The following FIGLA variants were observed in gnomAD, a reference collection of about 807,000 sequenced individuals.
FIGLA encodes factor in the germline alpha.
Under a neutral mutation model 21.5 loss-of-function variants are expected in FIGLA, and 17 were observed. The ratio of observed to expected loss-of-function variants is 0.79; its 90% CI spans 0.54 to 1.19. The LOEUF (loss-of-function observed/expected upper bound fraction) is 1.19. Among genes scored for constraint, FIGLA ranks in the 50% most tolerant of loss-of-function variants. FIGLA has a pLI of 0.00. For synonymous variants in FIGLA, 129 were observed against 117.6 expected (o/e 1.10, Z -0.63); for missense variants, 282 against 285.0 (o/e 0.99, Z 0.08).
chr2:70,783,845 G>A (rs1252279696), intron 3 of FIGLA, among the ~76,000 whole-genome samples: 1 of 151,990 alleles, frequency 6.6e-6, no homozygotes, highest in Non-Finnish European at 1.5e-5. Context: ...GGGACTACAG[G>A]TGCCCGCCAC....
At chr2:70,789,562 G>T (rs1254554372) in intron 1 of FIGLA, among the ~76,000 whole-genome samples, 4 of 152,030 alleles carry the variant, frequency 2.6e-5, no homozygotes, top group African/African-American at 9.7e-5. Context: ...TGATTCACTG[G>T]GACATTTCTG....
chr2:70,788,417 G>A (rs1012458658), intron 1 of FIGLA, among the ~76,000 whole-genome samples: 1 of 152,194 alleles, frequency 6.6e-6, no homozygotes, highest in Non-Finnish European at 1.5e-5. Context: ...AGGCAAGGGT[G>A]AGAATCCAGA....
intron 3 of FIGLA, among the ~76,000 whole-genome samples, chr2:70,784,945 CAAAA>C (rs35547757): frequency 2.2e-5 from 3 of 139,404 alleles, no homozygotes; most frequent in Admixed American, 7.2e-5. Context: ...CCCCCCACCA[CAAAA>C]AAAAAAAAAA....
Position 70,777,346 on chromosome 2 carries a change from A to C in FIGLA, c.*21T>G. On this transcript the variant is annotated 3_prime_UTR_variant, in exon 5 of 5. Coordinates refer to ENST00000332372, the MANE Select transcript of FIGLA (RefSeq NM_001004311.3). Reference sequence around the variant, plus strand: ...CTGCATTTATTTGTCTCTAGAAGGTAACCCTGGGCCTTTTCATTTTTCATA... The same window carrying C: ...CTGCATTTATTTGTCTCTAGAAGGTCACCCTGGGCCTTTTCATTTTTCATA... 6.8e-7 allele frequency: 1 copy of C among 1,471,080 alleles called. No individual in the cohort carries two copies. The highest frequency in any genetic ancestry group is 9.1e-7 in the Non-Finnish European group (1 of 1,099,660). The allele number at this position is 1,471,080 out of a possible 1,614,324, so 91.1% of individuals were successfully genotyped here. A position where few individuals can be genotyped will look rare whatever the true frequency, so the allele number is the denominator to read the frequency against.
In FIGLA at chr2:70,790,477, G is replaced by T; in HGVS notation, c.162C>A (p.Tyr54Ter). ...CRLKRLPSGGYSSTENLQLVL... is the reference protein window; with the variant it reads ...CRLKRLPSGG ...CCAACTGGAGGTTTTCAGTGGACGA[G>T]TAGCCGCCCGAGGGCAGCCGCTTGA... The change falls in exon 1 of 5, where the codon TAC becomes TAA. Residue 54 changes from tyrosine (Y) to a stop codon, truncating the protein, a stop_gained. Coordinates refer to ENST00000332372, the MANE Select transcript of FIGLA (RefSeq NM_001004311.3). LOFTEE classifies it high-confidence loss of function. 1 of 1,544,804 alleles carries T rather than the reference G, an allele frequency of 6.5e-7. No homozygotes were observed. The highest frequency in any genetic ancestry group is 8.7e-7 in the Non-Finnish European group (1 of 1,146,238).
intron 4 of FIGLA, 62 bp from the exon 5 acceptor site, chr2:70,777,444 T>G (rs551885228): frequency 7.3e-7 from 1 of 1,371,390 alleles, no homozygotes; most frequent in Non-Finnish European, 9.8e-7. Context: ...ACAAAAGAAA[T>G]AAAGAAATAT....
chr2:70,790,259 TC>T, intron 1 of FIGLA, 148 bp downstream of exon 1: 1 of 703,186 alleles, frequency 1.4e-6, no homozygotes, highest in African/African-American at 1.9e-5. Flanking sequence ...ACTGCCATTC[TC>T]CTGACAAGCT....
chr2:70,784,262 CA>C (rs1167785783), intron 3 of FIGLA, among the ~76,000 whole-genome samples: 8 of 152,132 alleles, frequency 5.3e-5, no homozygotes, highest in Non-Finnish European at 1.0e-4. Flanking sequence ...AATCAGAGCA[CA>C]ACATTGGTGA....
chr2:70,785,374 G>C (rs201470550), intron 3 of FIGLA, 41 bp downstream of exon 3: 100 of 1,455,922 alleles, frequency 6.9e-5, no homozygotes, highest in Admixed American at 1.6e-4. Context: ...ACATTTTAAG[G>C]TTCTGATATC....
chr2:70,787,049 A>T (rs1272376756), intron 2 of FIGLA, among the ~76,000 whole-genome samples: 1 of 152,162 alleles, frequency 6.6e-6, no homozygotes, highest in Admixed American at 6.5e-5. Context: ...TGCCTAATGG[A>T]CACTTCTGAG....
At chr2:70,783,942 G>A (rs782111953) in intron 3 of FIGLA, among the ~76,000 whole-genome samples, 1 of 151,890 alleles carries the variant, frequency 6.6e-6, no homozygotes, top group Non-Finnish European at 1.5e-5. Context: ...CGCCCACCTC[G>A]GCCTCCCAAA....
intron 1 of FIGLA, among the ~76,000 whole-genome samples, chr2:70,790,025 T>G (rs571851170): frequency 2.0e-5 from 3 of 152,244 alleles, no homozygotes; most frequent in South Asian, 2.1e-4. Flanking sequence ...TCCCTGCGCG[T>G]CCCAAGCACC....
intron 1 of FIGLA, among the ~76,000 whole-genome samples, chr2:70,788,631 G>A (rs1319596371): frequency 6.6e-6 from 1 of 152,084 alleles, no homozygotes; most frequent in East Asian, 1.9e-4. Flanking sequence ...GGACATAGTT[G>A]GCCAATTCAC....
At position 70,788,701 on chromosome 2, in the gene FIGLA, C is replaced by A. The variant is rs1046843719; in HGVS notation, c.232-900G>T. 2.6e-5 allele frequency among the ~76,000 whole-genome samples: 4 copies of A among 152,312 alleles called. No individual in the cohort carries two copies. In the East Asian group the frequency reaches 7.7e-4, roughly 29 times the overall value. On this transcript the variant is annotated intron_variant, in intron 1 of 4. Transcript: ENST00000332372. The stretch of plus-strand genomic sequence containing the variant: ...AATTTAATAATCAAAGAACTACAAA[C>A]TAAAACAGAAATTAGATACCATTTT...
chr2:70,787,243 C>G (rs190145887), intron 2 of FIGLA, among the ~76,000 whole-genome samples: 2 of 152,168 alleles, frequency 1.3e-5, no homozygotes, highest in African/African-American at 4.8e-5. Flanking sequence ...AAAGAAATGC[C>G]TCTTCCTTCC....
chr2:70,786,408 A>C (rs1675957643), intron 2 of FIGLA, among the ~76,000 whole-genome samples: 1 of 151,884 alleles, frequency 6.6e-6, no homozygotes, highest in Non-Finnish European at 1.5e-5. Flanking sequence ...GGTTCACGCC[A>C]TCCTCCTGCC....
At chr2:70,783,936 C>T (rs1418153600) in intron 3 of FIGLA, among the ~76,000 whole-genome samples, 2 of 152,088 alleles carry the variant, frequency 1.3e-5, no homozygotes, top group African/African-American at 4.8e-5. Context: ...GTGATCCGCC[C>T]ACCTCGGCCT....
At position 70,787,216 on chromosome 2, in the gene FIGLA, G is replaced by A. The variant is rs79340262; in HGVS notation, c.384+433C>T. ...TGGCCTTAGGGAGGGTCTCTCCTAAGAGAGGTTCCTTGGGGAAAAGAAATG... is the reference window on the plus strand; with the variant it reads ...TGGCCTTAGGGAGGGTCTCTCCTAAAAGAGGTTCCTTGGGGAAAAGAAATG... On this transcript the variant is annotated intron_variant, in intron 2 of 4. Transcript: ENST00000332372. Among the ~76,000 whole-genome samples, 701 of 152,342 alleles carry A rather than the reference G, an allele frequency of 4.6e-3. 3 individuals carry two copies. Among genetic ancestry groups the A allele is most frequent in the East Asian group, 0.031 (160 of 5,176 alleles).
intron 3 of FIGLA, among the ~76,000 whole-genome samples, chr2:70,778,216 A>G (rs746007906): frequency 3.9e-5 from 6 of 152,268 alleles, no homozygotes; most frequent in Non-Finnish European, 5.9e-5. Context: ...CATCCCCCCC[A>G]ACCCCAACAC....
Sources: gnomAD v4.1 joint callset for allele counts (sites outside exome capture counted in the v4.1 genomes callset) on GRCh38, gnomAD v4.1.1 for gene constraint, MANE v1.5 for transcripts, NCBI Gene and HGNC (gene_info 2026-07-23, HGNC 2026-07-21) for gene names.